DSCAM: variants seen among roughly 807,000 people sequenced by gnomAD.
The protein encoded by DSCAM is DS cell adhesion molecule, also known as cell adhesion molecule DSCAM.
In DSCAM, 47 loss-of-function variants were observed where a neutral mutation model predicts 217.7. That is an observed-to-expected ratio of 0.22 (90% CI 0.17 to 0.28). DSCAM has a LOEUF of 0.28. Ranked by LOEUF, DSCAM falls within the 10% of genes least tolerant of loss-of-function variation. DSCAM has a pLI of 1.00. For missense variants in DSCAM, 2,080 were observed against 2,618.3 expected, an observed-to-expected ratio of 0.79 and a Z score of 4.49; for synonymous variants, 1,056 against 1,015.3, an observed-to-expected ratio of 1.04 and a Z score of -0.76.
intron 15 of DSCAM, among the ~76,000 whole-genome samples, chr21:40,167,737 C>T (rs2090612983): frequency 6.6e-6 from 1 of 152,152 alleles, no homozygotes; most frequent in Non-Finnish European, 1.5e-5. Context: ...GATTCTTCTG[C>T]CTTTGGGTGT....
At chr21:40,129,942 T>C (rs771741934) in intron 19 of DSCAM, among the ~76,000 whole-genome samples, 12 of 152,208 alleles carry the variant, frequency 7.9e-5, no homozygotes, top group Admixed American at 1.3e-4. Context: ...CTCTTAGCTC[T>C]ACTTTCAGAT....
At chr21:40,407,256 G>C (rs1227097186) in intron 3 of DSCAM, among the ~76,000 whole-genome samples, 1 of 152,094 alleles carries the variant, frequency 6.6e-6, no homozygotes, top group East Asian at 1.9e-4. Context: ...TTTCAGAACA[G>C]CATGTTGTGC....
At position 40,338,215 on chromosome 21, in the gene DSCAM, C is replaced by T. The variant is rs1043026926; in HGVS notation, c.1669G>A (p.Gly557Arg). 1 of 1,614,254 alleles carries T rather than the reference C, an allele frequency of 6.2e-7. No individual in the cohort carries two copies. Among genetic ancestry groups the T allele is most frequent in the Non-Finnish European group, 8.5e-7 (1 of 1,180,038 alleles). Residue 557 changes from glycine to arginine, a missense_variant, in exon 8 of 33, where the codon GGA (glycine) becomes AGA (arginine). By Grantham distance (125) the Gly-to-Arg change is moderately radical (BLOSUM62 -2). Coordinates refer to ENST00000400454, the MANE Select transcript of DSCAM (RefSeq NM_001389.5). ...TGCACATCTGAAAGTTTAAGAGTTCCATTGTTCTCAAATGCCACTTGGCGG... is the reference window on the plus strand; with the variant it reads ...TGCACATCTGAAAGTTTAAGAGTTCTATTGTTCTCAAATGCCACTTGGCGG... ...NHRQVAFENN[G>R]TLKLSDVQKE... is the part of the protein sequence containing the mutation.
At chr21:40,102,389 C>T (rs1258494629) in intron 20 of DSCAM, among the ~76,000 whole-genome samples, 1 of 152,112 alleles carries the variant, frequency 6.6e-6, no homozygotes, top group Non-Finnish European at 1.5e-5. Flanking sequence ...ACATTTCAAG[C>T]GTTTTGTCTT....
intron 3 of DSCAM, among the ~76,000 whole-genome samples, chr21:40,547,086 G>A (rs1427676402): frequency 6.6e-6 from 1 of 152,110 alleles, no homozygotes; most frequent in African/African-American, 2.4e-5. Flanking sequence ...CCTTGGTCAT[G>A]GGGAATCCTC....
chr21:40,033,095 A>C (rs934783353), intron 32 of DSCAM, among the ~76,000 whole-genome samples: 28 of 152,216 alleles, frequency 1.8e-4, no homozygotes, highest in African/African-American at 6.8e-4. Flanking sequence ...TTCAGTGGTG[A>C]GATACCTCAG....
chr21:40,566,004 T>A (rs953881272), intron 3 of DSCAM, among the ~76,000 whole-genome samples: 1 of 152,210 alleles, frequency 6.6e-6, no homozygotes, highest in Non-Finnish European at 1.5e-5. Flanking sequence ...AACTAAAACA[T>A]GACTTCTCAA....
rs2088098679 is a variant in DSCAM at position 40,013,387 on chromosome 21, C to G, written c.5687-1G>C. The G allele has an allele frequency of 6.5e-7, 1 of 1,536,482 alleles. No individual in the cohort carries two copies. The highest frequency in any genetic ancestry group is 8.8e-7 in the Non-Finnish European group (1 of 1,142,138). On this transcript the variant is annotated splice_acceptor_variant, in intron 32 of 32. Coordinates refer to ENST00000400454, the MANE Select transcript of DSCAM (RefSeq NM_001389.5). LOFTEE classifies it high-confidence loss of function. ...TATGGAGGCAAATGTATGAGGTCACCTAGAAGGAAAGACAGGGTAGTTAGT... is the reference window on the plus strand; with the variant it reads ...TATGGAGGCAAATGTATGAGGTCACGTAGAAGGAAAGACAGGGTAGTTAGT...
intron 32 of DSCAM, among the ~76,000 whole-genome samples, chr21:40,039,157 T>TAA (rs1219946976): frequency 2.0e-5 from 3 of 147,758 alleles, no homozygotes; most frequent in Non-Finnish European, 4.5e-5. Context: ...CCCTGAAACT[T>TAA]AAAGTATAAT....
At chr21:40,739,781 GTTT>G (rs5844037) in intron 1 of DSCAM, among the ~76,000 whole-genome samples, 9 of 144,250 alleles carry the variant, frequency 6.2e-5, no homozygotes, top group African/African-American at 2.0e-4. Context: ...TAGAGAATTA[GTTT>G]TTTTTTTTTT....
At chr21:40,293,283 G>A (rs551457371) in intron 10 of DSCAM, among the ~76,000 whole-genome samples, 10 of 152,154 alleles carry the variant, frequency 6.6e-5, no homozygotes, top group South Asian at 2.1e-4. Context: ...GAGGTGAGTC[G>A]TGTGGGAGGG....
chr21:40,738,989 T>A (rs1273678145), intron 1 of DSCAM, among the ~76,000 whole-genome samples: 1 of 152,178 alleles, frequency 6.6e-6, no homozygotes, highest in Non-Finnish European at 1.5e-5. Context: ...GGAGCATGAG[T>A]TCTGGTGGGG....
intron 1 of DSCAM, among the ~76,000 whole-genome samples, chr21:40,727,226 G>A (rs982405651): frequency 6.6e-6 from 1 of 152,086 alleles, no homozygotes. Flanking sequence ...AAACACGCAA[G>A]ACTTTAAAAA....
chr21:40,774,183 A>C (rs1452884033), intron 1 of DSCAM, among the ~76,000 whole-genome samples: 1 of 152,184 alleles, frequency 6.6e-6, no homozygotes, highest in South Asian at 2.1e-4. Flanking sequence ...CCCTAAGACC[A>C]ATCTTTTTTC....
At chr21:40,115,934 A>C (rs1466299739) in intron 20 of DSCAM, among the ~76,000 whole-genome samples, 1 of 152,260 alleles carries the variant, frequency 6.6e-6, no homozygotes, top group South Asian at 2.1e-4. Context: ...CTAGATAAAG[A>C]AAATGTGATA....
At chr21:40,292,913 T>C (rs1412205488) in intron 10 of DSCAM, among the ~76,000 whole-genome samples, 1 of 152,084 alleles carries the variant, frequency 6.6e-6, no homozygotes, top group Non-Finnish European at 1.5e-5. Flanking sequence ...TTTTTTTGCA[T>C]TTTTAGTAGA....
chr21:40,305,978 G>A (rs1290591525), intron 9 of DSCAM, among the ~76,000 whole-genome samples: 1 of 152,066 alleles, frequency 6.6e-6, no homozygotes, highest in African/African-American at 2.4e-5. Context: ...ATTCTGTGAA[G>A]AAAGTCATTG....
At chr21:40,276,047 G>C (rs1211311553) in intron 11 of DSCAM, 50 bp downstream of exon 11, 12 of 1,470,290 alleles carry the variant, frequency 8.2e-6, no homozygotes, top group African/African-American at 2.8e-5. Context: ...GAAGCCCCCA[G>C]AGACCTATGT....
intron 3 of DSCAM, among the ~76,000 whole-genome samples, chr21:40,394,463 C>G (rs1193103444): frequency 6.6e-6 from 1 of 152,222 alleles, no homozygotes; most frequent in Non-Finnish European, 1.5e-5. Context: ...ACTCAACAGG[C>G]TGTCAGAGTC....
Sources: allele counts gnomAD v4.1 joint callset (sites outside exome capture counted in the v4.1 genomes callset), GRCh38; gene constraint gnomAD v4.1.1; transcripts MANE v1.5; gene names NCBI Gene and HGNC (gene_info 2026-07-23, HGNC 2026-07-21).